Variants in DEDD observed in about 807,000 individuals in gnomAD.
The protein encoded by DEDD is death effector domain containing.
Under a neutral mutation model 29.2 loss-of-function variants are expected in DEDD, and 3 were observed. That is an observed-to-expected ratio of 0.10 (90% confidence interval 0.05 to 0.27). The LOEUF (loss-of-function observed/expected upper bound fraction) is 0.27. Among genes scored for constraint, DEDD ranks in the 10% least tolerant of loss-of-function variants. The pLI is 1.00. For synonymous variants in DEDD, 152 were observed against 161.3 expected, an observed-to-expected ratio of 0.94 and a Z score of 0.44; for missense variants, 261 against 420.5, an observed-to-expected ratio of 0.62 and a Z score of 3.32.
chr1:161,131,523 A>G (rs1656669182), intron 1 of DEDD, among the ~76,000 whole-genome samples: 1 of 152,116 alleles, frequency 6.6e-6, no homozygotes, highest in South Asian at 2.1e-4. Flanking sequence ...CCACCTTAGC[A>G]TATAGGGTTC....
intron 2 of DEDD, among the ~76,000 whole-genome samples, chr1:161,129,137 T>C (rs139426875): frequency 3.3e-4 from 51 of 152,332 alleles, no homozygotes; most frequent in African/African-American, 1.2e-3. Flanking sequence ...TAATCAGACT[T>C]ATATTGCTTA....
intron 2 of DEDD, among the ~76,000 whole-genome samples, chr1:161,127,693 C>T (rs1022807012): frequency 1.3e-5 from 2 of 152,220 alleles, no homozygotes; most frequent in African/African-American, 4.8e-5. Flanking sequence ...TCTCGATTCA[C>T]CTGTTGCTGT....
intron 2 of DEDD, among the ~76,000 whole-genome samples, chr1:161,130,513 G>C (rs1246178133): frequency 1.3e-5 from 2 of 151,804 alleles, no homozygotes; most frequent in African/African-American, 4.8e-5. Context: ...CAATGTACTA[G>C]AATACAGCCT....
At chr1:161,128,349 C>T (rs1335038688) in intron 2 of DEDD, among the ~76,000 whole-genome samples, 1 of 152,116 alleles carries the variant, frequency 6.6e-6, no homozygotes, top group Non-Finnish European at 1.5e-5. Flanking sequence ...GTCTGTAATC[C>T]CTGCACTTTG....
At chr1:161,128,657 A>G (rs1045472461) in intron 2 of DEDD, among the ~76,000 whole-genome samples, 7 of 152,072 alleles carry the variant, frequency 4.6e-5, no homozygotes, top group Non-Finnish European at 1.0e-4. Context: ...ACAAAGAATC[A>G]TGCAGCACAA....
intron 4 of DEDD, 25 bp from the exon 5 acceptor site, chr1:161,123,246 AAACAC>A (rs1429009430): frequency 6.2e-7 from 1 of 1,603,848 alleles, no homozygotes; most frequent in South Asian, 1.1e-5. Flanking sequence ...AAAGGGAAGA[AAACAC>A]AGTAGGGTAA....
In DEDD at chr1:161,121,969, A is replaced by T; in HGVS notation, c.*178T>A. On this transcript the variant is annotated 3_prime_UTR_variant, in exon 6 of 6. Transcript: ENST00000368006. Reference sequence around the variant, plus strand: ...GGAAATAAAGGGGAAGCCCAGGCACATGGGTGCAGGGAGGGGTGGGGAATA... The same window carrying T: ...GGAAATAAAGGGGAAGCCCAGGCACTTGGGTGCAGGGAGGGGTGGGGAATA... 1 of 753,920 alleles carries T rather than the reference A, an allele frequency of 1.3e-6. No individual in the cohort carries two copies. Among genetic ancestry groups the T allele is most frequent in the Non-Finnish European group, 2.1e-6 (1 of 478,342 alleles). The allele number at this position is 753,920 out of a possible 1,614,324, so 46.7% of individuals were successfully genotyped here. A position where few individuals can be genotyped will look rare whatever the true frequency, so the allele number is the denominator to read the frequency against.
rs1571213528 is a variant in DEDD, at chr1:161,121,932, T to C, written c.*215A>G. 1.8e-6 allele frequency: 1 copy of C among 570,194 alleles called. No homozygotes were observed. Among genetic ancestry groups the C allele is most frequent in the African/African-American group, 1.9e-5 (1 of 51,950 alleles). 35.3% of individuals were successfully genotyped at this position (570,194 alleles called of 1,614,324 possible). A position where few individuals can be genotyped will look rare whatever the true frequency, so the allele number is the denominator to read the frequency against. On this transcript the variant is annotated 3_prime_UTR_variant, in exon 6 of 6. Transcript: ENST00000368006. ...GTAGCTGTAGAGACACATTACGGGGTAAATGGAAAAGGGAAATAAAGGGGA... is the reference window on the plus strand; with the variant it reads ...GTAGCTGTAGAGACACATTACGGGGCAAATGGAAAAGGGAAATAAAGGGGA...
At chr1:161,125,648 C>T (rs1374020732) in intron 2 of DEDD, among the ~76,000 whole-genome samples, 3 of 152,062 alleles carry the variant, frequency 2.0e-5, no homozygotes, top group Admixed American at 1.3e-4. Context: ...ATTACAGGCA[C>T]GCACCACCAC....
At chr1:161,123,818 G>T (rs1655842033) in intron 4 of DEDD, 21 bp downstream of exon 4, 2 of 1,590,752 alleles carry the variant, frequency 1.3e-6, no homozygotes, top group Non-Finnish European at 1.7e-6. Context: ...TGGAAAGCAG[G>T]GGGAGTTAAT....
Position 161,123,963 on chromosome 1 carries a change from A to T in DEDD, c.326-17T>A. 6.2e-7 allele frequency: 1 copy of T among 1,612,194 alleles called. No homozygotes were observed. ...CAGGGCACACTGTAGGAGGAGAAGT[A>T]ATCATTCAGGAAAATATACACCCTT... is the stretch of plus-strand genomic sequence containing the variant. On this transcript the variant is annotated splice_polypyrimidine_tract_variant and intron_variant, in intron 3 of 5. Transcript: ENST00000368006.
In DEDD at chr1:161,122,947, C is replaced by T. The variant is rs746439985; in HGVS notation, c.580+128G>A. The T allele has an allele frequency of 2.5e-6, 4 of 1,573,208 alleles. No individual in the cohort carries two copies. The highest frequency in any genetic ancestry group is 3.5e-6 in the Non-Finnish European group (4 of 1,143,218). On this transcript the variant is annotated intron_variant, in intron 5 of 5. Transcript: ENST00000368006. The surrounding 1 kb of genome is among the most constrained non-coding windows in gnomAD (Gnocchi z 4.2). ...TTCTTCCACCAGACACCAAACCATT[C>T]AGCCTCACTTTGCAATGGCAATCAA... is the stretch of plus-strand genomic sequence containing the variant.
In DEDD at chr1:161,125,202, A is replaced by C. The variant is rs1428150064; in HGVS notation, c.-64-676T>G. 6 of 152,222 alleles carry C rather than the reference A, an allele frequency of 3.9e-5. No homozygotes were observed. The East Asian group carries it at 9.6e-4, about 24-fold the overall frequency. The allele number at this position is 152,222 out of a possible 1,614,324, so 9.4% of individuals were successfully genotyped here. On this transcript the variant is annotated intron_variant, in intron 2 of 5. Coordinates refer to ENST00000368006, the MANE Select transcript of DEDD (RefSeq NM_032998.3). ...ATTCTCAGTGCTGTCATCTATAAACAGGGATGAATGAATATACACCTCAGA... is the reference window on the plus strand; with the variant it reads ...ATTCTCAGTGCTGTCATCTATAAACCGGGATGAATGAATATACACCTCAGA...
At chr1:161,124,704 G>A in intron 2 of DEDD, 178 bp from the exon 3 acceptor site, 1 of 795,108 alleles carries the variant, frequency 1.3e-6, no homozygotes, top group Non-Finnish European at 1.7e-6. Context: ...GCTCACACCT[G>A]TAATCCCAGC....
In DEDD at chr1:161,124,162, C is replaced by G. The variant is rs777136200; in HGVS notation, c.301G>C (p.Val101Leu). The G allele has an allele frequency of 6.2e-7, 1 of 1,613,596 alleles. No individual in the cohort carries two copies. The highest frequency in any genetic ancestry group is 1.3e-5 in the African/African-American group (1 of 74,916). Residue 101 changes from valine to leucine, a missense_variant, in exon 3 of 6, where the codon GTC becomes CTC. This residue lies in a region of DEDD where 203 missense variants were observed against 268.7 expected (regional missense o/e 0.76). Coordinates refer to ENST00000368006, the MANE Select transcript of DEDD (RefSeq NM_032998.3). ...CCAGCCCGTCTCCTCTTGAGGGTGA[C>G]GTAGGGCAGCAGGTCGTGGCGAGTG... ...IITRHDLLPY[V>L]TLKRRRAVCP...
intron 2 of DEDD, among the ~76,000 whole-genome samples, chr1:161,129,535 G>C (rs1463189881): frequency 7.3e-6 from 1 of 136,202 alleles, no homozygotes; most frequent in Non-Finnish European, 1.5e-5. Flanking sequence ...GTGAGACCTT[G>C]CCTCAAAAAA....
intron 2 of DEDD, among the ~76,000 whole-genome samples, chr1:161,127,658 T>C (rs991475862): frequency 7.9e-5 from 12 of 152,236 alleles, no homozygotes; most frequent in African/African-American, 2.4e-4. Flanking sequence ...TATTCAACTA[T>C]AGACTGGTAT....
At chr1:161,124,547 C>T in intron 2 of DEDD, 21 bp from the exon 3 acceptor site, 2 of 1,522,414 alleles carry the variant, frequency 1.3e-6, no homozygotes, top group Non-Finnish European at 1.8e-6. Context: ...AGGGAAAGAA[C>T]CGATGAGACA....
intron 2 of DEDD, among the ~76,000 whole-genome samples, chr1:161,126,013 C>T (rs1252438775): frequency 1.3e-5 from 2 of 152,224 alleles, no homozygotes; most frequent in African/African-American, 4.8e-5. Flanking sequence ...CTTACTGCTC[C>T]ACCAGACAGT....
Sources: gnomAD v4.1 joint callset for allele counts (sites outside exome capture counted in the v4.1 genomes callset) on GRCh38, gnomAD v4.1.1 for gene constraint, gnomAD v4.1.1 regional missense constraint, Gnocchi (gnomAD v3.1) non-coding constraint, MANE v1.5 for transcripts, NCBI Gene and HGNC (gene_info 2026-07-23, HGNC 2026-07-21) for gene names.